AGTR1: variants seen among roughly 807,000 people sequenced by gnomAD.
The protein encoded by AGTR1 is type-1 angiotensin II receptor.
In AGTR1, 16 loss-of-function variants were observed where a neutral mutation model predicts 19.4. The ratio of observed to expected loss-of-function variants is 0.82; its 90% CI spans 0.56 to 1.25. The LOEUF (loss-of-function observed/expected upper bound fraction) is 1.25. AGTR1 is among the 50% of genes most tolerant of loss of function. The pLI is 0.00. For missense variants in AGTR1, 373 were observed against 431.9 expected, an observed-to-expected ratio of 0.86 and a Z score of 1.21; for synonymous variants, 153 against 154.9, an observed-to-expected ratio of 0.99 and a Z score of 0.09.
At chr3:148,730,177 C>A (rs1214931799) in intron 2 of AGTR1, 1 of 398,102 alleles carries the variant, frequency 2.5e-6, no homozygotes, top group Non-Finnish European at 4.4e-6. Context: ...CATCATTTTC[C>A]AGATGAAGAA....
chr3:148,707,267 ATT>A (rs1016149875), intron 1 of AGTR1, among the ~76,000 whole-genome samples: 1 of 152,112 alleles, frequency 6.6e-6, no homozygotes, highest in Non-Finnish European at 1.5e-5. Context: ...ATGTGTATGC[ATT>A]TTTTATGAAT....
Position 148,727,304 on chromosome 3 carries a change from G to A in AGTR1, c.-47-13685G>A, listed in dbSNP as rs528329846. On this transcript the variant is annotated intron_variant, in intron 2 of 2. Transcript: ENST00000349243. ...GCCTTGATTACATGTTATATTTAAT[G>A]TACTGTTCCACAAAGAAGAAAAGGC... Among the ~76,000 whole-genome samples, 15 of 152,204 alleles carry A rather than the reference G, an allele frequency of 9.9e-5. No homozygotes were observed. In the South Asian group the frequency reaches 2.9e-3, roughly 29 times the overall value.
chr3:148,702,682 G>T (rs1000167694), intron 1 of AGTR1, among the ~76,000 whole-genome samples: 1 of 152,152 alleles, frequency 6.6e-6, no homozygotes, highest in East Asian at 1.9e-4. Context: ...AATAACCACT[G>T]CTCCTTTCCC....
chr3:148,731,626 G>A lies in AGTR1; in HGVS notation c.-47-9363G>A, dbSNP rs182353317. On this transcript the variant is annotated intron_variant, in intron 2 of 2. Coordinates refer to ENST00000349243, the MANE Select transcript of AGTR1 (RefSeq NM_000685.5). The stretch of plus-strand genomic sequence containing the variant: ...TTTTAGCAGTCCATGAAATAGAGGT[G>A]AGAACAGGTGTTGGTATTCTCATTC... 707 of 152,262 alleles carry A rather than the reference G, an allele frequency of 4.6e-3. 3 individuals carry two copies. Among genetic ancestry groups the A allele is most frequent in the African/African-American group, 0.016 (672 of 41,550 alleles). 9.4% of individuals were successfully genotyped at this position (152,262 alleles called of 1,614,324 possible). A position where few individuals can be genotyped will look rare whatever the true frequency, so the allele number is the denominator to read the frequency against.
intron 1 of AGTR1, among the ~76,000 whole-genome samples, chr3:148,699,507 C>A (rs563440385): frequency 6.6e-6 from 1 of 152,170 alleles, no homozygotes; most frequent in Admixed American, 6.5e-5. Flanking sequence ...TCTCCACCAC[C>A]CTTCCTGACA....
At position 148,741,403 on chromosome 3, in the gene AGTR1, GC is replaced by G; in HGVS notation, c.369del (p.Ser123ArgfsTer12). 1 of 1,603,854 alleles carries G rather than the reference GC, an allele frequency of 6.2e-7. No individual in the cohort carries two copies. Among genetic ancestry groups the G allele is most frequent in the East Asian group, 2.2e-5 (1 of 44,824 alleles). On this transcript the variant is annotated frameshift_variant, in exon 3 of 3. Coordinates refer to ENST00000349243, the MANE Select transcript of AGTR1 (RefSeq NM_000685.5). LOFTEE classifies it high-confidence loss of function. ...AGTGTGTTTCTACTCACGTGTCTCA[GC>G]ATTGATCGATACCTGGCTATTGTTC... The part of the protein sequence containing the change: ...YASVFLLTCL[S>X]IDRYLAIVHP...
intron 2 of AGTR1, among the ~76,000 whole-genome samples, chr3:148,724,393 C>G (rs1232599620): frequency 6.6e-6 from 1 of 152,104 alleles, no homozygotes; most frequent in African/African-American, 2.4e-5. Context: ...TACAAGGACT[C>G]TCTTATGAAT....
intron 2 of AGTR1, among the ~76,000 whole-genome samples, chr3:148,720,269 C>CCACA (rs757399846): frequency 2.6e-5 from 4 of 151,374 alleles, no homozygotes; most frequent in African/African-American, 7.3e-5. Context: ...CACACACACA[C>CCACA]CACACACACA....
At chr3:148,736,367 AG>A (rs1234459725) in intron 2 of AGTR1, among the ~76,000 whole-genome samples, 5 of 152,246 alleles carry the variant, frequency 3.3e-5, no homozygotes, top group African/African-American at 9.6e-5. Context: ...ATACTTCGAA[AG>A]AACAACAGCC....
intron 2 of AGTR1, among the ~76,000 whole-genome samples, chr3:148,732,094 G>A (rs1714289691): frequency 2.0e-5 from 3 of 152,160 alleles, no homozygotes; most frequent in Admixed American, 6.5e-5. Flanking sequence ...CTGAGAATAG[G>A]GTTGATTTTC....
chr3:148,710,188 A>G (rs1235675412), intron 2 of AGTR1, among the ~76,000 whole-genome samples: 1 of 152,140 alleles, frequency 6.6e-6, no homozygotes, highest in Non-Finnish European at 1.5e-5. Context: ...TTGGTAAGAA[A>G]GTTTTCTGCT....
Position 148,716,301 on chromosome 3 carries a change from G to A in AGTR1, c.-48+8274G>A, listed in dbSNP as rs571725342. ...ACTAAAAAGGAGGCTCCTAGAAATG[G>A]GGTTGTGTTGAGTTGACAGAGATGT... On this transcript the variant is annotated intron_variant, in intron 2 of 2. Coordinates refer to ENST00000349243, the MANE Select transcript of AGTR1 (RefSeq NM_000685.5). This position sits in a 1 kb window ranked among gnomAD's most constrained non-coding sequence, Gnocchi z 4.7. Among the ~76,000 whole-genome samples the A allele has an allele frequency of 2.0e-5, 3 of 152,198 alleles. No homozygotes were observed. Among genetic ancestry groups the A allele is most frequent in the Middle Eastern group, 3.4e-3 (1 of 294 alleles).
Position 148,741,025 on chromosome 3 carries a change from A to C in AGTR1, c.-11A>C. The C allele has an allele frequency of 1.2e-6, 2 of 1,613,802 alleles. No homozygotes were observed. The highest frequency in any genetic ancestry group is 1.7e-6 in the Non-Finnish European group (2 of 1,179,900). On this transcript the variant is annotated 5_prime_UTR_variant, in exon 3 of 3. Coordinates refer to ENST00000349243, the MANE Select transcript of AGTR1 (RefSeq NM_000685.5). ...ATAGTGTTTGCAACAAATTCGACCC[A>C]GGTGATCAAAATGATTCTCAACTCT...
At chr3:148,708,699 C>A (rs1013717840) in intron 2 of AGTR1, among the ~76,000 whole-genome samples, 1 of 152,298 alleles carries the variant, frequency 6.6e-6, no homozygotes, top group African/African-American at 2.4e-5. Flanking sequence ...GTCTATCTAA[C>A]TCTTCTTACA....
chr3:148,698,557 G>C (rs978073724), intron 1 of AGTR1, among the ~76,000 whole-genome samples: 2 of 152,130 alleles, frequency 1.3e-5, no homozygotes, highest in African/African-American at 4.8e-5. Flanking sequence ...GTGAAGTTAA[G>C]AGTGTCTCCA....
chr3:148,726,330 T>C (rs532052208), intron 2 of AGTR1, among the ~76,000 whole-genome samples: 1 of 152,214 alleles, frequency 6.6e-6, no homozygotes. Flanking sequence ...TACATCAGCC[T>C]CCCGAGTAGA....
chr3:148,719,761 G>A (rs1214009842), intron 2 of AGTR1, among the ~76,000 whole-genome samples: 3 of 152,208 alleles, frequency 2.0e-5, no homozygotes, highest in African/African-American at 7.2e-5. Context: ...GGTCTGGGGT[G>A]GGGCCTGAGG....
intron 2 of AGTR1, among the ~76,000 whole-genome samples, chr3:148,713,817 T>C (rs1250712648): frequency 6.6e-6 from 1 of 152,162 alleles, no homozygotes; most frequent in Non-Finnish European, 1.5e-5. Context: ...CTTTCAAATC[T>C]GAATGGTTTT....
At chr3:148,719,735 A>G (rs1474242458) in intron 2 of AGTR1, among the ~76,000 whole-genome samples, 1 of 152,202 alleles carries the variant, frequency 6.6e-6, no homozygotes, top group Non-Finnish European at 1.5e-5. Flanking sequence ...TCTGCTTGAA[A>G]TGCAGATTCT....
Sources: allele counts gnomAD v4.1 joint callset (sites outside exome capture counted in the v4.1 genomes callset), GRCh38; gene constraint gnomAD v4.1.1; non-coding constraint Gnocchi (gnomAD v3.1); transcripts MANE v1.5; gene names NCBI Gene and HGNC (gene_info 2026-07-23, HGNC 2026-07-21).